KDM1A: variants seen among roughly 807,000 people sequenced by gnomAD.
KDM1A encodes the protein lysine demethylase 1A.
In KDM1A, 49 loss-of-function variants were observed where a neutral mutation model predicts 109.4. That is an observed-to-expected ratio of 0.45 (90% CI 0.36 to 0.57). The LOEUF (loss-of-function observed/expected upper bound fraction) is 0.57, where lower values mean the gene tolerates loss of function less well. KDM1A is among the 20% of genes least tolerant of loss of function. The pLI, the probability that KDM1A is intolerant of heterozygous loss-of-function variation, is 0.00. For missense variants in KDM1A, 668 were observed against 1,116.6 expected (o/e 0.60, Z 5.73); for synonymous variants, 380 against 415.4 (o/e 0.91, Z 1.04).
chr1:23,059,763 C>T (rs1036204245), intron 9 of KDM1A, among the ~76,000 whole-genome samples: 3 of 152,118 alleles, frequency 2.0e-5, no homozygotes, highest in East Asian at 1.9e-4. Context: ...TAAGTCAGTC[C>T]TAATTTTTTA....
At chr1:23,035,091 T>G (rs183459875) in intron 2 of KDM1A, among the ~76,000 whole-genome samples, 2 of 152,336 alleles carry the variant, frequency 1.3e-5, no homozygotes, top group East Asian at 3.9e-4. Context: ...AAGAATCACT[T>G]TATCTCCTTG....
At chr1:23,059,296 A>T in intron 9 of KDM1A, 129 bp downstream of exon 9, 1 of 759,998 alleles carries the variant, frequency 1.3e-6, no homozygotes. Flanking sequence ...AACTGAGGGT[A>T]GAGATGATGT....
At chr1:23,052,616 G>GATAA (rs1456072639) in intron 4 of KDM1A, among the ~76,000 whole-genome samples, 1 of 152,176 alleles carries the variant, frequency 6.6e-6, no homozygotes, top group East Asian at 1.9e-4. Flanking sequence ...ATTCATTTTA[G>GATAA]AGCCCATTGA....
intron 4 of KDM1A, among the ~76,000 whole-genome samples, chr1:23,052,345 CTT>C (rs893897748): frequency 2.0e-5 from 3 of 152,134 alleles, no homozygotes; most frequent in African/African-American, 7.2e-5. Flanking sequence ...AGGAGGAAGA[CTT>C]GTGTTGGGAG....
chr1:23,042,653 C>T (rs1422468561), intron 2 of KDM1A, among the ~76,000 whole-genome samples: 6 of 150,670 alleles, frequency 4.0e-5, no homozygotes, highest in East Asian at 2.0e-4. Flanking sequence ...GGGGTTTCAC[C>T]GTTTTAGCCG....
intron 3 of KDM1A, among the ~76,000 whole-genome samples, chr1:23,046,023 A>G (rs965697021): frequency 6.6e-6 from 1 of 152,192 alleles, no homozygotes; most frequent in African/African-American, 2.4e-5. Context: ...TGGTGTACAC[A>G]TCCTAAATCT....
chr1:23,063,798 C>G (rs1643086518), intron 9 of KDM1A, among the ~76,000 whole-genome samples: 1 of 152,158 alleles, frequency 6.6e-6, no homozygotes, highest in Non-Finnish European at 1.5e-5. Flanking sequence ...TGTGCCTTTT[C>G]CATACACTCT....
In KDM1A at chr1:23,022,137, T is replaced by C. The variant is rs527398144; in HGVS notation, c.351+2190T>C. 3.9e-5 allele frequency among the ~76,000 whole-genome samples: 6 copies of C among 152,332 alleles called. No individual in the cohort carries two copies. In the South Asian group the frequency reaches 1.2e-3, roughly 32 times the overall value. ...TACATAATGCTGCTGTGAACATTAA[T>C]GTACAGTTTATTTTGTGAATATGTT... On this transcript the variant is annotated intron_variant, in intron 1 of 20. Coordinates refer to ENST00000400181, the MANE Select transcript of KDM1A (RefSeq NM_001009999.3).
intron 15 of KDM1A, among the ~76,000 whole-genome samples, chr1:23,075,403 T>G (rs570255592): frequency 6.6e-6 from 1 of 151,248 alleles, no homozygotes; most frequent in South Asian, 2.1e-4. Flanking sequence ...TGGCCCTGTC[T>G]CTACTAAAAA....
chr1:23,083,156 T>C (rs1643671838), intron 20 of KDM1A, 23 bp from the exon 21 acceptor site: 1 of 1,596,992 alleles, frequency 6.3e-7, no homozygotes. Context: ...GCCTGCCAAT[T>C]TTCTCTTTTT....
intron 5 of KDM1A, among the ~76,000 whole-genome samples, chr1:23,054,766 A>G (rs1160107984): frequency 1.3e-5 from 2 of 152,060 alleles, no homozygotes; most frequent in Non-Finnish European, 2.9e-5. Flanking sequence ...AACTAGGACT[A>G]TGGGCATGCA....
Position 23,072,129 on chromosome 1 carries a change from T to C in KDM1A, c.1554T>C (p.Tyr518=). Residue 518 remains tyrosine (Y), a synonymous_variant, in exon 14 of 21, where the codon TAT becomes TAC. Transcript: ENST00000400181. Reference sequence around the variant, plus strand: ...GTTCACTTAATTTTTATCAGGAATATGATGAATTAGCTGAAACACAAGGAA... The same window carrying C: ...GTTCACTTAATTTTTATCAGGAATACGATGAATTAGCTGAAACACAAGGAA... The part of the protein sequence containing the change: ...HRDLTALCKE[Y]DELAETQGKL... 6.2e-7 allele frequency: 1 copy of C among 1,605,628 alleles called. No homozygotes were observed. The highest frequency in any genetic ancestry group is 8.5e-7 in the Non-Finnish European group (1 of 1,174,508).
At chr1:23,062,717 T>C (rs1422939550) in intron 9 of KDM1A, among the ~76,000 whole-genome samples, 3 of 152,214 alleles carry the variant, frequency 2.0e-5, no homozygotes, top group Non-Finnish European at 4.4e-5. Flanking sequence ...TCTGTGCTTG[T>C]TTTTGACAAG....
At chr1:23,049,560 C>T (rs986492258) in intron 3 of KDM1A, among the ~76,000 whole-genome samples, 10 of 151,778 alleles carry the variant, frequency 6.6e-5, no homozygotes, top group African/African-American at 1.9e-4. Flanking sequence ...GAGCGGGTGC[C>T]TGTAATCCCA....
intron 18 of KDM1A, among the ~76,000 whole-genome samples, chr1:23,080,059 C>T (rs1391688431): frequency 6.6e-6 from 1 of 152,234 alleles, no homozygotes; most frequent in African/African-American, 2.4e-5. Flanking sequence ...GAAATTCCTA[C>T]CTCCTGTTCA....
Position 23,083,537 on chromosome 1 carries a change from G to A in KDM1A, c.*173G>A, listed in dbSNP as rs1331677553. 1.8e-5 allele frequency: 10 copies of A among 540,602 alleles called. No individual in the cohort carries two copies. The highest frequency in any genetic ancestry group is 4.9e-4 in the Middle Eastern group (1 of 2,024). 33.5% of individuals were successfully genotyped at this position (540,602 alleles called of 1,614,324 possible). ...GCTTGCCTCCTTTGAATGACCTAGA[G>A]CACAGGGAGGAACTTGTCCATTAGT... On this transcript the variant is annotated 3_prime_UTR_variant, in exon 21 of 21. Transcript: ENST00000400181.
intron 9 of KDM1A, among the ~76,000 whole-genome samples, chr1:23,062,542 T>G (rs2124488994): frequency 6.6e-6 from 1 of 152,326 alleles, no homozygotes; most frequent in East Asian, 1.9e-4. Context: ...TAATAGTGTC[T>G]TAAGGACATA....
intron 1 of KDM1A, among the ~76,000 whole-genome samples, chr1:23,021,420 G>T (rs1641624049): frequency 6.6e-6 from 1 of 152,156 alleles, no homozygotes; most frequent in Non-Finnish European, 1.5e-5. Context: ...CCTGCACTTT[G>T]GGAGGCCAAG....
chr1:23,048,365 TTTC>T (rs1642562731), intron 3 of KDM1A, among the ~76,000 whole-genome samples: 1 of 152,208 alleles, frequency 6.6e-6, no homozygotes, highest in South Asian at 2.1e-4. Context: ...ATAGTAAGCA[TTTC>T]TTCTTTTCTT....
Sources: gnomAD v4.1 joint callset for allele counts (sites outside exome capture counted in the v4.1 genomes callset) on GRCh38, gnomAD v4.1.1 for gene constraint, MANE v1.5 for transcripts, NCBI Gene and HGNC (gene_info 2026-07-23, HGNC 2026-07-21) for gene names.